The following RANBP2 variants were observed in gnomAD, a reference collection of about 807,000 sequenced individuals.
RANBP2 encodes RAN binding protein 2.
A neutral mutation model predicts 303.6 loss-of-function variants in RANBP2; 57 were observed. That is an observed-to-expected ratio of 0.19 (90% CI 0.15 to 0.23). RANBP2 has a LOEUF of 0.23. RANBP2 is among the 10% of genes least tolerant of loss of function. The pLI, the probability that RANBP2 is intolerant of heterozygous loss-of-function variation, is 1.00. For synonymous variants in RANBP2, 1,167 were observed against 1,301.5 expected (o/e 0.90, Z 2.23); for missense variants, 3,138 against 3,780.8 (o/e 0.83, Z 4.46).
chr2:108,998,088 C>T, the RANBP2 span, among the ~76,000 whole-genome samples: 105 of 152,300 alleles, frequency 6.9e-4, no homozygotes, highest in Middle Eastern at 0.037. Flanking sequence ...GTTGCTCTCC[C>T]TACACTCTGG....
the RANBP2 span, chr2:108,884,703 T>C: frequency 1.3e-5 from 2 of 152,142 alleles, no homozygotes; most frequent in African/African-American, 4.8e-5. Flanking sequence ...CTTTTCGAGA[T>C]TGTGTCCTCC....
the RANBP2 span, among the ~76,000 whole-genome samples, chr2:109,649,650 G>A: frequency 1.3e-5 from 2 of 152,004 alleles, no homozygotes; most frequent in Non-Finnish European, 2.9e-5. Context: ...CGCCTTCCTC[G>A]GCCTGCCAAA....
chr2:109,648,676 C>T, the RANBP2 span, among the ~76,000 whole-genome samples: 8 of 132,630 alleles, frequency 6.0e-5, no homozygotes, highest in Admixed American at 8.6e-5. Flanking sequence ...TTTTCTGAGA[C>T]GGAGTCTTGC....
chr2:109,251,503 C>A, the RANBP2 span: 1 of 742,420 alleles, frequency 1.3e-6, no homozygotes, highest in East Asian at 2.6e-5. Flanking sequence ...CAGACATGTC[C>A]AAGGAATATT....
the RANBP2 span, among the ~76,000 whole-genome samples, chr2:109,098,746 T>C: frequency 6.6e-6 from 1 of 152,212 alleles, no homozygotes; most frequent in Non-Finnish European, 1.5e-5. Flanking sequence ...CAATGCATCA[T>C]GTATTTTAGC....
the RANBP2 span, among the ~76,000 whole-genome samples, chr2:109,453,929 C>T: frequency 2.0e-5 from 3 of 152,120 alleles, no homozygotes; most frequent in East Asian, 5.8e-4. Context: ...GGGCCAGGGA[C>T]GGGAGAGGTA....
At position 108,782,795 on chromosome 2, in the gene RANBP2, C is replaced by G; in HGVS notation, c.9302C>G (p.Thr3101Ser). 1 of 1,614,168 alleles carries G rather than the reference C, an allele frequency of 6.2e-7. No individual in the cohort carries two copies. Among genetic ancestry groups the G allele is most frequent in the Non-Finnish European group, 8.5e-7 (1 of 1,180,036 alleles). Residue 3101 changes from threonine to serine, a missense_variant, in exon 28 of 29, where the codon ACT becomes AGT. By Grantham distance (58) the Thr-to-Ser change is moderately conservative (BLOSUM62 1). Coordinates refer to ENST00000283195, the MANE Select transcript of RANBP2 (RefSeq NM_006267.5). ...RTAENFRALC[T>S]GEKGFGFKNS... ...GCTGAGAACTTCAGAGCACTATGCA[C>G]TGGAGAGAAAGGCTTTGGTTTCAAG...
chr2:109,380,618 T>C, the RANBP2 span, among the ~76,000 whole-genome samples: 1 of 152,154 alleles, frequency 6.6e-6, no homozygotes, highest in Admixed American at 6.5e-5. Context: ...GTGGGGACAG[T>C]GAGTAGCCCT....
Position 108,740,516 on chromosome 2 carries a change from A to G in RANBP2, c.810A>G (p.Lys270=). Residue 270 remains lysine (K), a synonymous_variant, in exon 7 of 29, where the codon AAA becomes AAG. Transcript: ENST00000283195. Reference sequence around the variant, plus strand: ...TTGATAGTGCTCTTCAGTCTGTGAAATCTTTGGGTGGAAATGATGAACTGT... The same window carrying G: ...TTGATAGTGCTCTTCAGTCTGTGAAGTCTTTGGGTGGAAATGATGAACTGT... The part of the protein sequence containing the change: ...QSFDSALQSV[K]SLGGNDELSA... The G allele has an allele frequency of 1.9e-6, 3 of 1,597,558 alleles. No homozygotes were observed. The highest frequency in any genetic ancestry group is 2.5e-6 in the Non-Finnish European group (3 of 1,179,780).
intron 9 of RANBP2, among the ~76,000 whole-genome samples, chr2:108,750,568 T>TGGG (rs1675797867): frequency 7.7e-6 from 1 of 129,794 alleles, no homozygotes; most frequent in South Asian, 2.3e-4. Context: ...TTTTCTTTTC[T>TGGG]TTTCTTTTCT....
chr2:109,199,622 T>TCAAC, the RANBP2 span, among the ~76,000 whole-genome samples: 4 of 132 alleles, frequency 0.03, no homozygotes, highest in Admixed American at 0.1. Flanking sequence ...TGGAATGGAA[T>TCAAC]GGAATGGAAT....
At chr2:109,334,274 C>T in the RANBP2 span, among the ~76,000 whole-genome samples, 2 of 148,632 alleles carry the variant, frequency 1.3e-5, no homozygotes, top group South Asian at 4.2e-4. Flanking sequence ...GGGAGGATTG[C>T]TTGAGCCCAG....
chr2:109,161,842 C>T, the RANBP2 span, among the ~76,000 whole-genome samples: 72 of 152,058 alleles, frequency 4.7e-4, no homozygotes, highest in Middle Eastern at 3.4e-3. Context: ...CATCGGGCCC[C>T]GTCCAACATT....
the RANBP2 span, among the ~76,000 whole-genome samples, chr2:109,321,158 C>T: frequency 2.6e-5 from 4 of 152,222 alleles, no homozygotes; most frequent in African/African-American, 9.6e-5. Context: ...ATGGATGCAC[C>T]TCTCAAACGC....
the RANBP2 span, among the ~76,000 whole-genome samples, chr2:109,549,736 T>C: frequency 6.6e-6 from 1 of 152,200 alleles, no homozygotes; most frequent in Non-Finnish European, 1.5e-5. Context: ...CCCTATGTTT[T>C]TTCCTATATA....
At chr2:109,478,314 C>G in the RANBP2 span, among the ~76,000 whole-genome samples, 1 of 152,186 alleles carries the variant, frequency 6.6e-6, no homozygotes, top group Non-Finnish European at 1.5e-5. Context: ...TTTGGATTCC[C>G]TAGGCTGTCT....
At chr2:109,504,258 GGC>G in the RANBP2 span, 1 of 152,216 alleles carries the variant, frequency 6.6e-6, no homozygotes, top group East Asian at 1.9e-4. Context: ...GCCATGTAGT[GGC>G]CTTGGGGGGC....
chr2:109,199,632 T>TCAACGC, the RANBP2 span, among the ~76,000 whole-genome samples: 1 of 68 alleles, frequency 0.015, no homozygotes. Flanking sequence ...TGGAATGGAA[T>TCAACGC]GGAATGGAAT....
At chr2:109,766,641 G>T in the RANBP2 span, among the ~76,000 whole-genome samples, 27 of 149,714 alleles carry the variant, frequency 1.8e-4, 5 homozygotes, top group East Asian at 5.4e-3. Context: ...AACCACAATG[G>T]GTCTAATCAA....
Sources: allele counts gnomAD v4.1 joint callset (sites outside exome capture counted in the v4.1 genomes callset), GRCh38; gene constraint gnomAD v4.1.1; transcripts MANE v1.5; gene names NCBI Gene and HGNC (gene_info 2026-07-23, HGNC 2026-07-21).